NUP214: variants seen among roughly 807,000 people sequenced by gnomAD.
NUP214 encodes nuclear pore complex protein Nup214.
A neutral mutation model predicts 196.2 loss-of-function variants in NUP214; 79 were observed. The observed-to-expected ratio is 0.40, with a 90% CI of 0.34 to 0.49. NUP214 has a LOEUF of 0.49. Ranked by LOEUF, NUP214 falls within the 20% of genes least tolerant of loss-of-function variation. The pLI, the probability that NUP214 is intolerant of heterozygous loss-of-function variation, is 0.58. For missense variants in NUP214, 2,468 were observed against 2,539.0 expected (o/e 0.97, Z 0.60); for synonymous variants, 1,020 against 990.5 (o/e 1.03, Z -0.56).
chr9:131,156,588 A>G (rs1381995918), intron 17 of NUP214, among the ~76,000 whole-genome samples: 1 of 135,720 alleles, frequency 7.4e-6, no homozygotes, highest in Non-Finnish European at 1.6e-5. Context: ...TTTTTTTTGC[A>G]GCTATTATAA....
At chr9:131,128,619 C>A in intron 3 of NUP214, 136 bp downstream of exon 3, 1 of 689,084 alleles carries the variant, frequency 1.5e-6, no homozygotes, top group Non-Finnish European at 2.2e-6. Context: ...AAAAAAAATC[C>A]TTAATTATAG....
At chr9:131,160,381 T>C (rs1049722782) in intron 18 of NUP214, among the ~76,000 whole-genome samples, 1 of 152,210 alleles carries the variant, frequency 6.6e-6, no homozygotes. Flanking sequence ...TAGAAAACAT[T>C]TGTAATTAGT....
At chr9:131,230,864 T>A in intron 34 of NUP214, 95 bp downstream of exon 34, 2 of 1,419,536 alleles carry the variant, frequency 1.4e-6, no homozygotes, top group Non-Finnish European at 1.9e-6. Flanking sequence ...CCAGTCTGTT[T>A]AGTATTTTAA....
At chr9:131,139,255 C>CTTTTTTTTTTTTTTTTTTTTTTTTT (rs200377608) in intron 9 of NUP214, 26 bp from the exon 10 acceptor site, 19 of 1,093,094 alleles carry the variant, frequency 1.7e-5, no homozygotes, top group African/African-American at 6.4e-5. Flanking sequence ...TCTTCTTCTT[C>CTTTTTTTTTTTTTTTTTTTTTTTTT]TTTTTTTTTT....
At chr9:131,140,336 C>T (rs73658934) in intron 10 of NUP214, among the ~76,000 whole-genome samples, 8 of 152,244 alleles carry the variant, frequency 5.3e-5, no homozygotes, top group African/African-American at 1.7e-4. Context: ...AGGCAGGGCC[C>T]AGCAGGGTGG....
Position 131,144,466 on chromosome 9 carries a change from C to A in NUP214, c.1481C>A (p.Thr494Lys), listed in dbSNP as rs370097324. 13 of 1,614,082 alleles carry A rather than the reference C, an allele frequency of 8.1e-6. No homozygotes were observed. The highest frequency in any genetic ancestry group is 3.3e-5 in the Admixed American group (2 of 60,008). Residue 494 changes from threonine to lysine, a missense_variant, in exon 12 of 36, where the codon ACG becomes AAG. By Grantham distance (78) the Thr-to-Lys change is moderately conservative (BLOSUM62 -1). Around this residue, in one of 5 missense-constraint regions of NUP214, gnomAD observed 1,801 missense variants for 1,779.4 expected, o/e 1.01. Transcript: ENST00000359428. Reference protein sequence around the residue: ...FGSSSLKSSATVTGEPPSYSS... With the variant: ...FGSSSLKSSAKVTGEPPSYSS... ...TCTTCATCTTTGAAGTCATCTGCTA[C>A]GGTCACTGGGGAGCCCCCTTCATAT...
At chr9:131,202,226 T>C (rs1406315683) in intron 30 of NUP214, among the ~76,000 whole-genome samples, 1 of 152,124 alleles carries the variant, frequency 6.6e-6, no homozygotes, top group Non-Finnish European at 1.5e-5. Context: ...CCACATTGCA[T>C]GATTTCTATC....
rs755564518 is a variant in NUP214, at chr9:131,201,694, A to G, written c.5569A>G (p.Thr1857Ala). 1.2e-6 allele frequency: 2 copies of G among 1,614,062 alleles called. No homozygotes were observed. Among genetic ancestry groups the G allele is most frequent in the Admixed American group, 3.3e-5 (2 of 60,028 alleles). The stretch of plus-strand genomic sequence containing the variant: ...TTCTGTGTTTGGTCAAGCAGCCAGT[A>G]CTGGTGGAATAGTCTTTGGCCAGGT... ...TGSVFGQAAS[T>A]GGIVFGQQSS... is the part of the protein sequence containing the mutation. Residue 1857 changes from threonine (T) to alanine (A), a missense_variant, in exon 30 of 36, where the codon ACT (threonine) becomes GCT (alanine). Physicochemically the swap from Thr to Ala is moderately conservative, Grantham distance 58. Around this residue, in one of 5 missense-constraint regions of NUP214, gnomAD observed 262 missense variants for 296.5 expected, o/e 0.88. Coordinates refer to ENST00000359428, the MANE Select transcript of NUP214 (RefSeq NM_005085.4).
chr9:131,150,356 G>T lies in NUP214; in HGVS notation c.2073G>T (p.Lys691Asn). ...AKSLQPAVAEKQGHQWKDSDP... is the reference protein window; with the variant it reads ...AKSLQPAVAENQGHQWKDSDP... The stretch of plus-strand genomic sequence containing the variant: ...CACTTCAGCCTGCTGTTGCAGAAAA[G>T]CAGGGACATCAGTGGAAAGATTCAG... The change falls in exon 15 of 36, where the codon AAG (lysine) becomes AAT (asparagine). Residue 691 changes from lysine (K) to asparagine (N), a missense_variant. Coordinates refer to ENST00000359428, the MANE Select transcript of NUP214 (RefSeq NM_005085.4). 1.2e-6 allele frequency: 2 copies of T among 1,614,208 alleles called. No individual in the cohort carries two copies. The highest frequency in any genetic ancestry group is 2.2e-5 in the South Asian group (2 of 91,086).
intron 17 of NUP214, among the ~76,000 whole-genome samples, chr9:131,154,456 C>T (rs764469419): frequency 1.3e-5 from 2 of 151,914 alleles, no homozygotes; most frequent in Non-Finnish European, 2.9e-5. Flanking sequence ...GTCTATCTAT[C>T]TATTTATTTA....
chr9:131,193,125 G>C (rs148309372), intron 27 of NUP214, among the ~76,000 whole-genome samples: 1 of 151,968 alleles, frequency 6.6e-6, no homozygotes, highest in South Asian at 2.1e-4. Context: ...GTAAAGTTGA[G>C]TTGTTTTTAA....
At chr9:131,145,376 T>G (rs1217327553) in intron 12 of NUP214, among the ~76,000 whole-genome samples, 1 of 152,136 alleles carries the variant, frequency 6.6e-6, no homozygotes, top group Non-Finnish European at 1.5e-5. Context: ...CCCTTATATC[T>G]TGTAACCCCT....
At chr9:131,199,057 T>C (rs1833876446) in intron 29 of NUP214, 42 bp downstream of exon 29, 1 of 1,534,646 alleles carries the variant, frequency 6.5e-7, no homozygotes, top group East Asian at 2.3e-5. Flanking sequence ...CCCTCTCTGC[T>C]ATTTGAAACA....
In NUP214 at chr9:131,233,630, C is replaced by A. The variant is rs536722722; in HGVS notation, c.*143C>A. 2 of 842,960 alleles carry A rather than the reference C, an allele frequency of 2.4e-6. No homozygotes were observed. The highest frequency in any genetic ancestry group is 2.7e-5 in the East Asian group (1 of 37,646). The allele number at this position is 842,960 out of a possible 1,614,324, so 52.2% of individuals were successfully genotyped here. ...AAGAAACAACAGAAACCAAAACTCACAAGGCGCATGATTACTTGTTTTATA... is the reference window on the plus strand; with the variant it reads ...AAGAAACAACAGAAACCAAAACTCAAAAGGCGCATGATTACTTGTTTTATA... On this transcript the variant is annotated 3_prime_UTR_variant, in exon 36 of 36. Transcript: ENST00000359428.
At chr9:131,163,383 A>C in intron 19 of NUP214, 1 of 539,376 alleles carries the variant, frequency 1.9e-6, no homozygotes, top group Non-Finnish European at 3.2e-6. Context: ...TTGGAGAGTT[A>C]AATTAAGTCT....
chr9:131,193,545 G>A (rs1833672638), intron 27 of NUP214, among the ~76,000 whole-genome samples: 1 of 146,434 alleles, frequency 6.8e-6, no homozygotes, highest in African/African-American at 2.5e-5. Context: ...AAATTTTAAA[G>A]AGTAGGTCAA....
At chr9:131,196,297 T>C (rs1242819424) in intron 28 of NUP214, among the ~76,000 whole-genome samples, 1 of 151,906 alleles carries the variant, frequency 6.6e-6, no homozygotes, top group Middle Eastern at 3.2e-3. Context: ...TAGCTGGGAT[T>C]ACAGGCGCCC....
chr9:131,132,535 T>C, intron 5 of NUP214, 61 bp from the exon 6 acceptor site: 1 of 1,409,922 alleles, frequency 7.1e-7, no homozygotes, highest in South Asian at 1.2e-5. Context: ...GATTTGACAG[T>C]TTGATTGGTT....
intron 17 of NUP214, among the ~76,000 whole-genome samples, chr9:131,158,742 A>G (rs890676410): frequency 2.6e-5 from 4 of 152,216 alleles, no homozygotes; most frequent in African/African-American, 9.6e-5. Flanking sequence ...CTGAGAAATG[A>G]GAATTAAGCA....
Sources: gnomAD v4.1 joint callset for allele counts (sites outside exome capture counted in the v4.1 genomes callset) on GRCh38, gnomAD v4.1.1 for gene constraint, gnomAD v4.1.1 regional missense constraint, MANE v1.5 for transcripts, NCBI Gene and HGNC (gene_info 2026-07-23, HGNC 2026-07-21) for gene names.